Variants in HEXA observed in about 807,000 individuals in gnomAD.
HEXA encodes beta-hexosaminidase subunit alpha.
In HEXA, 54 loss-of-function variants were observed where a neutral mutation model predicts 73.3. The ratio of observed to expected loss-of-function variants is 0.74; its 90% CI spans 0.59 to 0.92. The LOEUF is 0.92. Among genes scored for constraint, HEXA ranks in the 40% least tolerant of loss-of-function variants. The pLI, the probability that HEXA is intolerant of heterozygous loss-of-function variation, is 0.00. For synonymous variants in HEXA, 230 were observed against 246.9 expected (o/e 0.93, Z 0.64); for missense variants, 649 against 653.0 (o/e 0.99, Z 0.07).
At chr15:72,354,877 AG>A (rs1278816685) in intron 3 of HEXA, 1 of 153,774 alleles carries the variant, frequency 6.5e-6, no homozygotes, top group African/African-American at 2.4e-5. Flanking sequence ...CCAATAGTTT[AG>A]CCAGTAAACT....
At chr15:72,345,582 C>G in intron 12 of HEXA, 32 bp from the exon 13 acceptor site, 2 of 1,612,070 alleles carry the variant, frequency 1.2e-6, no homozygotes, top group Non-Finnish European at 1.7e-6. Flanking sequence ...CCAGATTGGG[C>G]CCTGTATTCC....
chr15:72,346,608 A>G lies in HEXA; in HGVS notation c.1249T>C (p.Ser417Pro). 1 of 1,614,106 alleles carries G rather than the reference A, an allele frequency of 6.2e-7. No individual in the cohort carries two copies. Among genetic ancestry groups the G allele is most frequent in the Non-Finnish European group, 8.5e-7 (1 of 1,180,016 alleles). ...ATACGGTTCAGGTACCAGGGGGCAG[A>G]GAGAAGGGCCCGGAAGCCGGCCTTG... ...VTKAGFRALL[S>P]APWYLNRISY... The change falls in exon 11 of 14, where the codon TCT (serine) becomes CCT (proline). Residue 417 changes from serine (S) to proline (P), a missense_variant. Ser to Pro is a moderately conservative substitution (Grantham distance 74, BLOSUM62 -1). Transcript: ENST00000268097.
chr15:72,353,698 T>C lies in HEXA; in HGVS notation c.452A>G (p.Glu151Gly). 6.2e-7 allele frequency: 1 copy of C among 1,612,460 alleles called. No individual in the cohort carries two copies. Among genetic ancestry groups the C allele is most frequent in the Non-Finnish European group, 8.5e-7 (1 of 1,178,466 alleles). The change falls in exon 4 of 14, where the codon GAG (glutamate) becomes GGG (glycine). Residue 151 changes from glutamate to glycine, a missense_variant. By Grantham distance (98) the Glu-to-Gly change is moderately conservative (BLOSUM62 -2). Coordinates refer to ENST00000268097, the MANE Select transcript of HEXA (RefSeq NM_000520.6). ...TTGAGGGTCCACACTTACTGTGCCC[T>C]CAGCAGATTTCCAAACAAGCTGGCT... ...TFSQLVWKSA[E>G]GTFFINKTEI... is the part of the protein sequence containing the mutation.
At chr15:72,366,633 C>G (rs1402979410) in intron 1 of HEXA, among the ~76,000 whole-genome samples, 1 of 151,852 alleles carries the variant, frequency 6.6e-6, no homozygotes, top group Non-Finnish European at 1.5e-5. Context: ...TACTTTGGAT[C>G]CTGTTGCCCA....
chr15:72,354,403 T>C (rs1291823530), intron 3 of HEXA: 1 of 152,456 alleles, frequency 6.6e-6, no homozygotes, highest in Non-Finnish European at 1.5e-5. Flanking sequence ...ACCCAGAGTA[T>C]TGTATGTTCT....
chr15:72,346,906 C>T, intron 10 of HEXA, 196 bp from the exon 11 acceptor site: 4 of 620,220 alleles, frequency 6.4e-6, no homozygotes, highest in Non-Finnish European at 1.2e-5. Flanking sequence ...TAAGAGGCCT[C>T]CCTGCAGCTC....
chr15:72,370,289 C>T (rs575632439), intron 1 of HEXA: 15 of 218,054 alleles, frequency 6.9e-5, no homozygotes, highest in African/African-American at 2.9e-4. Flanking sequence ...ACCTACAGCT[C>T]ACAGAAATAA....
chr15:72,351,687 G>A (rs1030118314), intron 5 of HEXA: 1 of 228,664 alleles, frequency 4.4e-6, no homozygotes, highest in Non-Finnish European at 8.7e-6. Context: ...GCTGGCAGAT[G>A]TGTGGCCTCC....
chr15:72,371,202 C>T (rs1032686652), intron 1 of HEXA, among the ~76,000 whole-genome samples: 8 of 152,088 alleles, frequency 5.3e-5, no homozygotes, highest in Admixed American at 3.3e-4. Flanking sequence ...AAGAGCAGCA[C>T]GAGTTGGGAT....
chr15:72,347,070 A>C lies in HEXA; in HGVS notation c.1147-360T>G, dbSNP rs527289827. ...GACAAGGTTCCTGAAGAGTCCTTGCATGTGACAGGAGACTGGGATCTTACT... is the reference window on the plus strand; with the variant it reads ...GACAAGGTTCCTGAAGAGTCCTTGCCTGTGACAGGAGACTGGGATCTTACT... On this transcript the variant is annotated intron_variant, in intron 10 of 13. Coordinates refer to ENST00000268097, the MANE Select transcript of HEXA (RefSeq NM_000520.6). Among the ~76,000 whole-genome samples the C allele has an allele frequency of 3.1e-4, 47 of 151,518 alleles. 1 individual carries two copies. The South Asian group carries it at 9.7e-3, about 31-fold the overall frequency.
rs1595799260 is a variant in HEXA at position 72,349,337 on chromosome 15, G to C, written c.806-78C>G. The C allele has an allele frequency of 5.3e-6, 6 of 1,138,440 alleles. No individual in the cohort carries two copies. In the East Asian group the frequency reaches 1.4e-4, roughly 27 times the overall value. 70.5% of individuals were successfully genotyped at this position (1,138,440 alleles called of 1,614,324 possible). On this transcript the variant is annotated intron_variant, in intron 7 of 13. Transcript: ENST00000268097. ...CACAGTCCTACACGTAAGGACACGA[G>C]TCACACAAAGCAAGACAAGTGTATT...
chr15:72,354,080 C>T (rs373941918), intron 3 of HEXA: 8 of 320,970 alleles, frequency 2.5e-5, no homozygotes, highest in African/African-American at 2.1e-5. Flanking sequence ...TGAGGACAGA[C>T]ACAGAGACAA....
rs1013758407 is a variant in HEXA, at chr15:72,341,901, A to G, written c.*2176T>C. ...TGGTAAAAATAATAACATTAAAGAAAATGTTTACAACAGGAATAGAAAATG... is the reference window on the plus strand; with the variant it reads ...TGGTAAAAATAATAACATTAAAGAAGATGTTTACAACAGGAATAGAAAATG... On this transcript the variant is annotated 3_prime_UTR_variant, in exon 14 of 14. Coordinates refer to ENST00000268097, the MANE Select transcript of HEXA (RefSeq NM_000520.6). 5.3e-5 allele frequency: 8 copies of G among 152,318 alleles called. No homozygotes were observed. Among genetic ancestry groups the G allele is most frequent in the African/African-American group, 1.4e-4 (6 of 41,570 alleles). 9.4% of individuals were successfully genotyped at this position (152,318 alleles called of 1,614,324 possible).
At chr15:72,353,795 T>G in intron 3 of HEXA, 58 bp from the exon 4 acceptor site, 3 of 1,245,448 alleles carry the variant, frequency 2.4e-6, no homozygotes, top group African/African-American at 1.5e-5. Flanking sequence ...GAGATGTCTC[T>G]ATTTGGAAGG....
intron 1 of HEXA, among the ~76,000 whole-genome samples, chr15:72,361,778 A>G (rs568684654): frequency 6.6e-6 from 1 of 152,380 alleles, no homozygotes; most frequent in East Asian, 1.9e-4. Flanking sequence ...ATACTTTTTA[A>G]AAGTCTTACA....
At chr15:72,347,416 G>C (rs904030754) in intron 10 of HEXA, among the ~76,000 whole-genome samples, 1 of 151,494 alleles carries the variant, frequency 6.6e-6, no homozygotes, top group African/African-American at 2.4e-5. Flanking sequence ...ATTTTTTGTA[G>C]AGATGAGGGT....
rs761284736 is a variant in HEXA, at chr15:72,346,518, T to C, written c.1330+9A>G. 6.2e-7 allele frequency: 1 copy of C among 1,613,330 alleles called. No homozygotes were observed. The highest frequency in any genetic ancestry group is 1.1e-5 in the South Asian group (1 of 91,060). ...CCTTTGGTTAGCAAGGAGAGCTCTC[T>C]GCTTTCACCTTCAAATGCCAGGGGT... On this transcript the variant is annotated intron_variant, in intron 11 of 13. Transcript: ENST00000268097.
At chr15:72,345,883 T>C in intron 12 of HEXA, 1 of 521,734 alleles carries the variant, frequency 1.9e-6, no homozygotes, top group Non-Finnish European at 3.5e-6. Context: ...CCAACCATAC[T>C]TGGTAAGGCT....
intron 4 of HEXA, 57 bp downstream of exon 4, chr15:72,353,634 T>A: frequency 7.5e-7 from 1 of 1,333,048 alleles, no homozygotes; most frequent in East Asian, 2.3e-5. Context: ...GGATTCTCAA[T>A]ATTGGGATCC....
Sources: allele counts gnomAD v4.1 joint callset (sites outside exome capture counted in the v4.1 genomes callset), GRCh38; gene constraint gnomAD v4.1.1; transcripts MANE v1.5; gene names NCBI Gene and HGNC (gene_info 2026-07-23, HGNC 2026-07-21).